PLSCR1: variants seen among roughly 807,000 people sequenced by gnomAD.
PLSCR1 encodes phospholipid scramblase 1, also known as PL scramblase 1.
A neutral mutation model predicts 37.8 loss-of-function variants in PLSCR1; 17 were observed. That is an observed-to-expected ratio of 0.45 (90% CI 0.31 to 0.68). The LOEUF is 0.68. PLSCR1 is among the 30% of genes least tolerant of loss of function. The probability of loss-of-function intolerance (pLI) is 0.06; values close to 1 mark genes in which losing one functional copy is unlikely to be tolerated. For synonymous variants in PLSCR1, 116 were observed against 125.9 expected (o/e 0.92, Z 0.53); for missense variants, 347 against 380.9 (o/e 0.91, Z 0.74).
chr3:146,543,293 T>A (rs1358314967), intron 1 of PLSCR1, among the ~76,000 whole-genome samples: 7 of 152,232 alleles, frequency 4.6e-5, no homozygotes, highest in Non-Finnish European at 1.0e-4. Flanking sequence ...TTTACAGATC[T>A]AAAGGCAGTT....
chr3:146,525,527 T>C (rs2044095385), intron 5 of PLSCR1, 78 bp downstream of exon 5: 10 of 749,824 alleles, frequency 1.3e-5, no homozygotes, highest in Non-Finnish European at 2.4e-5. Context: ...GAGTGTTATA[T>C]TTGTGGAGGT....
intron 1 of PLSCR1, among the ~76,000 whole-genome samples, chr3:146,539,725 T>C (rs144439751): frequency 2.2e-4 from 33 of 152,352 alleles, no homozygotes; most frequent in African/African-American, 7.9e-4. Context: ...TGAGACTTAC[T>C]GGCAAAACTA....
At chr3:146,522,303 T>C (rs2044034783) in intron 5 of PLSCR1, among the ~76,000 whole-genome samples, 1 of 152,168 alleles carries the variant, frequency 6.6e-6, no homozygotes, top group Admixed American at 6.5e-5. Context: ...CATGTCTGTG[T>C]AGAAAGAAGT....
intron 7 of PLSCR1, 148 bp downstream of exon 7, chr3:146,521,396 T>G (rs1372095558): frequency 1.4e-5 from 10 of 702,966 alleles, no homozygotes; most frequent in Non-Finnish European, 2.4e-5. Context: ...TAACTACCAC[T>G]CTGCCCAAAG....
chr3:146,543,432 C>G (rs1206870725), intron 1 of PLSCR1, among the ~76,000 whole-genome samples: 3 of 152,174 alleles, frequency 2.0e-5, no homozygotes, highest in Admixed American at 6.5e-5. Context: ...TTGTTGTAAA[C>G]AGGGTGGCAT....
intron 1 of PLSCR1, among the ~76,000 whole-genome samples, chr3:146,543,129 T>C (rs915655179): frequency 2.0e-5 from 3 of 152,084 alleles, no homozygotes; most frequent in African/African-American, 4.8e-5. Context: ...GTAGAATTCC[T>C]GAGCTGGAGG....
In PLSCR1 at chr3:146,521,602, A is replaced by T; in HGVS notation, c.680T>A (p.Val227Glu). 1.9e-6 allele frequency: 3 copies of T among 1,613,970 alleles called. No individual in the cohort carries two copies. Among genetic ancestry groups the T allele is most frequent in the Non-Finnish European group, 2.5e-6 (3 of 1,179,838 alleles). Residue 227 changes from valine to glutamate, a missense_variant, in exon 7 of 9, where the codon GTA (valine) becomes GAA (glutamate). Physicochemically the swap from Val to Glu is moderately radical, Grantham distance 121 (BLOSUM62 -2). Transcript: ENST00000342435. ...FTIQNEKREDVLKISGPCVVC... is the reference protein window; with the variant it reads ...FTIQNEKREDELKISGPCVVC... Reference sequence around the variant, plus strand: ...AACACATGGACCACTTATTTTTAGTACATCCTCTCTTTTCTCATTTTGAAT... The same window carrying T: ...AACACATGGACCACTTATTTTTAGTTCATCCTCTCTTTTCTCATTTTGAAT...
intron 4 of PLSCR1, among the ~76,000 whole-genome samples, chr3:146,526,232 G>GAAAA (rs2044110653): frequency 7.3e-6 from 1 of 136,608 alleles, no homozygotes; most frequent in African/African-American, 2.7e-5. Flanking sequence ...AAAGAAAATT[G>GAAAA]ATACAAAATG....
chr3:146,520,455 C>T (rs1028145027), intron 7 of PLSCR1, among the ~76,000 whole-genome samples: 12 of 152,098 alleles, frequency 7.9e-5, no homozygotes, highest in Admixed American at 2.6e-4. Flanking sequence ...TATGCATACC[C>T]TTACATAAAA....
intron 1 of PLSCR1, among the ~76,000 whole-genome samples, chr3:146,544,141 G>A (rs985994610): frequency 3.3e-5 from 5 of 152,214 alleles, no homozygotes; most frequent in South Asian, 4.1e-4. Context: ...AGGGGAAGCT[G>A]AGCCCCGCAA....
At chr3:146,528,982 T>C in intron 3 of PLSCR1, 151 bp from the exon 4 acceptor site, 1 of 628,766 alleles carries the variant, frequency 1.6e-6, no homozygotes, top group Non-Finnish European at 2.7e-6. Flanking sequence ...TCTGAGATTT[T>C]TCAATGAAAT....
intron 1 of PLSCR1, among the ~76,000 whole-genome samples, chr3:146,537,699 C>T (rs996474667): frequency 6.6e-6 from 1 of 151,946 alleles, no homozygotes; most frequent in Non-Finnish European, 1.5e-5. Context: ...CATGGACAGA[C>T]ACTGTCTCTA....
At chr3:146,528,921 A>G (rs2044157753) in intron 3 of PLSCR1, 90 bp from the exon 4 acceptor site, 1 of 872,756 alleles carries the variant, frequency 1.1e-6, no homozygotes, top group Admixed American at 2.7e-5. Flanking sequence ...CTATAAGTTG[A>G]CATTTCAGCG....
At chr3:146,543,199 T>G (rs2738907) in intron 1 of PLSCR1, among the ~76,000 whole-genome samples, 40,564 of 151,920 alleles carry the variant, frequency 0.27, 5,584 homozygotes, top group African/African-American at 0.31. Context: ...GAGGGAGACA[T>G]TCTTAGAGAT....
At chr3:146,516,765 T>C in intron 8 of PLSCR1, 3 of 330,208 alleles carry the variant, frequency 9.1e-6, no homozygotes, top group South Asian at 1.2e-4. Flanking sequence ...CTCTCCTTAG[T>C]ACATCTCCTT....
At chr3:146,537,611 T>G (rs184475251) in intron 1 of PLSCR1, among the ~76,000 whole-genome samples, 4 of 152,264 alleles carry the variant, frequency 2.6e-5, no homozygotes, top group Admixed American at 2.6e-4. Context: ...TGGTGGCTTA[T>G]GCCTATAATG....
At chr3:146,538,956 CT>C (rs2044301853) in intron 1 of PLSCR1, among the ~76,000 whole-genome samples, 1 of 152,106 alleles carries the variant, frequency 6.6e-6, no homozygotes, top group South Asian at 2.1e-4. Flanking sequence ...GGTCCCCAAC[CT>C]TTTTGGCACC....
At chr3:146,535,271 AG>A (rs1226065169) in intron 2 of PLSCR1, among the ~76,000 whole-genome samples, 1 of 152,170 alleles carries the variant, frequency 6.6e-6, no homozygotes, top group Non-Finnish European at 1.5e-5. Context: ...ACACATATAC[AG>A]GAACAGACAG....
At chr3:146,518,813 G>A (rs555561758) in intron 7 of PLSCR1, among the ~76,000 whole-genome samples, 1 of 152,092 alleles carries the variant, frequency 6.6e-6, no homozygotes, top group African/African-American at 2.4e-5. Flanking sequence ...TAGACATTTT[G>A]GAATAGAAAA....
Sources: gnomAD v4.1 joint callset for allele counts (sites outside exome capture counted in the v4.1 genomes callset) on GRCh38, gnomAD v4.1.1 for gene constraint, MANE v1.5 for transcripts, NCBI Gene and HGNC (gene_info 2026-07-23, HGNC 2026-07-21) for gene names.